Variants in TOX observed in about 807,000 individuals in gnomAD.
The protein encoded by TOX is thymocyte selection associated high mobility group box.
In TOX, 11 loss-of-function variants were observed where a neutral mutation model predicts 53.7. The ratio of observed to expected loss-of-function variants is 0.20; its 90% CI spans 0.13 to 0.34. TOX has a LOEUF of 0.34. TOX is among the 10% of genes least tolerant of loss of function. The pLI is 1.00. For synonymous variants in TOX, 225 were observed against 245.3 expected, an observed-to-expected ratio of 0.92 and a Z score of 0.77; for missense variants, 570 against 664.6, an observed-to-expected ratio of 0.86 and a Z score of 1.56.
chr8:59,112,261 G>T (rs1399787484), intron 1 of TOX, among the ~76,000 whole-genome samples: 1 of 152,168 alleles, frequency 6.6e-6, no homozygotes, highest in Non-Finnish European at 1.5e-5. Context: ...ACCAGGAAAA[G>T]CTCATTCAGG....
chr8:58,992,998 C>A (rs1163562691), intron 1 of TOX: 1 of 152,048 alleles, frequency 6.6e-6, no homozygotes, highest in East Asian at 1.9e-4. Context: ...AACGTGGGAC[C>A]CATGTCCAGT....
intron 1 of TOX, among the ~76,000 whole-genome samples, chr8:59,035,926 G>A (rs1814449881): frequency 6.6e-6 from 1 of 152,178 alleles, no homozygotes; most frequent in Non-Finnish European, 1.5e-5. Flanking sequence ...ACTATGAGGT[G>A]GTTACTATTA....
intron 3 of TOX, among the ~76,000 whole-genome samples, chr8:58,918,647 G>A (rs892881170): frequency 2.1e-5 from 1 of 47,234 alleles, no homozygotes; most frequent in African/African-American, 8.8e-5. Context: ...ACTGGCACAA[G>A]ACAGGGATGT....
chr8:59,078,253 T>C (rs1321255033), intron 1 of TOX, among the ~76,000 whole-genome samples: 4 of 152,172 alleles, frequency 2.6e-5, no homozygotes, highest in Admixed American at 6.5e-5. Flanking sequence ...AGGGAGACTC[T>C]TCCTCCAGGA....
At chr8:58,860,080 G>A (rs1585864938) in intron 3 of TOX, among the ~76,000 whole-genome samples, 1 of 152,078 alleles carries the variant, frequency 6.6e-6, no homozygotes, top group East Asian at 1.9e-4. Context: ...ATAAACAACT[G>A]AAAAAGCAAT....
chr8:59,118,968 G>T lies in TOX; in HGVS notation c.20C>A (p.Pro7Gln). ...CGCAGCGGCGGGCTGGGCTGGAGGT[G>T]GATAAAATCTTACGTCCATTTCACT... MDVRFY[P>Q]PPAQPAAAPD... The change falls in exon 1 of 9, where the codon CCA becomes CAA. Residue 7 changes from proline (P) to glutamine (Q), a missense_variant. Coordinates refer to ENST00000361421, the MANE Select transcript of TOX (RefSeq NM_014729.3). This position sits in a 1 kb window ranked among gnomAD's most constrained non-coding sequence, Gnocchi z 4.1. The T allele has an allele frequency of 6.2e-7, 1 of 1,603,626 alleles. No homozygotes were observed. The highest frequency in any genetic ancestry group is 1.4e-5 in the African/African-American group (1 of 73,754).
intron 1 of TOX, among the ~76,000 whole-genome samples, chr8:58,969,802 A>C (rs914303005): frequency 6.6e-6 from 1 of 152,192 alleles, no homozygotes; most frequent in African/African-American, 2.4e-5. Context: ...TGTTGCCAGA[A>C]ACATGTCAAA....
intron 1 of TOX, among the ~76,000 whole-genome samples, chr8:58,986,093 T>C (rs921825688): frequency 1.1e-4 from 16 of 152,216 alleles, no homozygotes; most frequent in African/African-American, 3.9e-4. Context: ...TAAACTCATT[T>C]AAAAATCCTC....
chr8:58,936,396 C>T (rs1486967194), intron 3 of TOX, among the ~76,000 whole-genome samples: 1 of 152,166 alleles, frequency 6.6e-6, no homozygotes, highest in Admixed American at 6.5e-5. Context: ...GAGTTGGGCA[C>T]TCTCTTGGTC....
At chr8:59,034,839 T>A (rs758598292) in intron 1 of TOX, among the ~76,000 whole-genome samples, 2 of 152,202 alleles carry the variant, frequency 1.3e-5, no homozygotes, top group Non-Finnish European at 2.9e-5. Context: ...GCAAAGAAGC[T>A]CATTTTGTCC....
At chr8:58,811,997 CTTCTCTCTCTGTCTCTCT>C (rs1810085376) in intron 7 of TOX, among the ~76,000 whole-genome samples, 2 of 152,188 alleles carry the variant, frequency 1.3e-5, no homozygotes, top group South Asian at 4.2e-4. Flanking sequence ...TGTTAACGTT[CTTCTCTCTCTGTCTCTCT>C]TTCTCTCTCT....
chr8:59,098,424 CTT>C (rs3214834), intron 1 of TOX, among the ~76,000 whole-genome samples: 3 of 142,434 alleles, frequency 2.1e-5, no homozygotes, highest in African/African-American at 2.6e-5. Flanking sequence ...GAATAAACTT[CTT>C]TTTTTTTTTT....
intron 1 of TOX, among the ~76,000 whole-genome samples, chr8:58,968,425 A>G (rs1812942330): frequency 1.3e-5 from 2 of 152,236 alleles, no homozygotes; most frequent in South Asian, 4.1e-4. Flanking sequence ...GAAATTCAGC[A>G]CAGTTTCAAA....
intron 7 of TOX, among the ~76,000 whole-genome samples, chr8:58,810,690 C>G (rs990901655): frequency 1.3e-5 from 2 of 151,852 alleles, no homozygotes; most frequent in Non-Finnish European, 2.9e-5. Context: ...AAAATGTAAC[C>G]TAAAAGGAAA....
At chr8:58,990,575 G>A (rs1172735646) in intron 1 of TOX, among the ~76,000 whole-genome samples, 1 of 152,112 alleles carries the variant, frequency 6.6e-6, no homozygotes, top group African/African-American at 2.4e-5. Context: ...GAAGGATACT[G>A]AAGTTGCTAT....
At chr8:58,976,530 A>T (rs1358919517) in intron 1 of TOX, among the ~76,000 whole-genome samples, 2 of 152,220 alleles carry the variant, frequency 1.3e-5, no homozygotes, top group East Asian at 3.8e-4. Flanking sequence ...TAATGTGGAC[A>T]TTTTGACCAC....
At chr8:59,096,072 T>C (rs1804707190) in intron 1 of TOX, among the ~76,000 whole-genome samples, 1 of 152,194 alleles carries the variant, frequency 6.6e-6, no homozygotes, top group South Asian at 2.1e-4. Context: ...TATTTACAAA[T>C]GCCCTGAAAA....
intron 3 of TOX, among the ~76,000 whole-genome samples, chr8:58,862,724 T>C (rs1000565031): frequency 1.3e-5 from 2 of 151,826 alleles, no homozygotes; most frequent in Non-Finnish European, 3.0e-5. Context: ...GCCCAGAATG[T>C]ATCAAGCCAT....
chr8:59,093,983 T>C (rs952967493), intron 1 of TOX, among the ~76,000 whole-genome samples: 26 of 152,192 alleles, frequency 1.7e-4, no homozygotes, highest in African/African-American at 6.3e-4. Flanking sequence ...GATGGCTGTA[T>C]TAATGTAAGC....
Sources: allele counts gnomAD v4.1 joint callset (sites outside exome capture counted in the v4.1 genomes callset), GRCh38; gene constraint gnomAD v4.1.1; non-coding constraint Gnocchi (gnomAD v3.1); transcripts MANE v1.5; gene names NCBI Gene and HGNC (gene_info 2026-07-23, HGNC 2026-07-21).